LYST: variants seen among roughly 807,000 people sequenced by gnomAD.
The protein encoded by LYST is lysosomal trafficking regulator, also known as lysosomal-trafficking regulator.
LYST carries 192 observed loss-of-function variants against 413.6 expected under a neutral mutation model. The ratio of observed to expected loss-of-function variants is 0.46; its 90% confidence interval spans 0.41 to 0.52. LYST has a LOEUF of 0.52. Among genes scored for constraint, LYST ranks in the 20% least tolerant of loss-of-function variants. The probability of loss-of-function intolerance (pLI) is 0.00; values close to 1 mark genes in which losing one functional copy is unlikely to be tolerated. For missense variants in LYST, 3,815 were observed against 4,499.9 expected (o/e 0.85, Z 4.35); for synonymous variants, 1,525 against 1,567.3 (o/e 0.97, Z 0.64).
rs200468979 is a variant in LYST, at chr1:235,732,774, G to T, written c.8801+729C>A. Among the ~76,000 whole-genome samples the T allele has an allele frequency of 1.2e-4, 18 of 152,254 alleles. No homozygotes were observed. The East Asian group carries it at 2.5e-3, about 21-fold the overall frequency. ...TGTGAGGAATGTGTTCATGCCTTTT[G>T]CTCATTCAAACTTCTGGGATCATAA... On this transcript the variant is annotated intron_variant, in intron 34 of 52. Transcript: ENST00000389793.
rs1431781727 is a variant in LYST at position 235,787,218 on chromosome 1, A to G, written c.4844T>C (p.Ile1615Thr). The G allele has an allele frequency of 6.2e-7, 1 of 1,613,558 alleles. No individual in the cohort carries two copies. The highest frequency in any genetic ancestry group is 8.5e-7 in the Non-Finnish European group (1 of 1,179,582). The change falls in exon 14 of 53, where the codon ATA (isoleucine) becomes ACA (threonine). Residue 1615 changes from isoleucine to threonine, a missense_variant. Around this residue, in one of 4 missense-constraint regions of LYST, gnomAD observed 530 missense variants for 696.5 expected, o/e 0.76. Transcript: ENST00000389793. Reference sequence around the variant, plus strand: ...TTCCTACCTCTGTCCAGAGACCCATATGGAGATTTTCCCATGAATCCTCCT... The same window carrying G: ...TTCCTACCTCTGTCCAGAGACCCATGTGGAGATTTTCCCATGAATCCTCCT... ...GKRRIHGKIS[I>T]WVSGQRKPDV...
rs571028682 is a variant in LYST at position 235,787,928 on chromosome 1, T to C, written c.4689-555A>G. 3.7e-4 allele frequency among the ~76,000 whole-genome samples: 57 copies of C among 152,238 alleles called. 1 individual carries two copies. Among genetic ancestry groups the C allele is most frequent in the African/African-American group, 1.3e-3 (53 of 41,558 alleles). ...AATACAAATAAAAGACCTGTATCTA[T>C]ACTACTTAATAAAGGAGATAGTATA... On this transcript the variant is annotated intron_variant, in intron 13 of 52. Coordinates refer to ENST00000389793, the MANE Select transcript of LYST (RefSeq NM_000081.4).
Position 235,663,057 on chromosome 1 carries a change from G to A in LYST, c.11289C>T (p.Gly3763=), listed in dbSNP as rs779752850. 8 of 1,611,532 alleles carry A rather than the reference G, an allele frequency of 5.0e-6. No individual in the cohort carries two copies. The Admixed American group carries it at 5.0e-5, about 10-fold the overall frequency. The change falls in exon 53 of 53, where the codon GGC becomes GGT. Residue 3763 remains glycine (G), a synonymous_variant. Coordinates refer to ENST00000389793, the MANE Select transcript of LYST (RefSeq NM_000081.4). ...PIISLTFSCD[G]HHLYTANSDG... ...CACTGTTTGCTGTGTACAAATGGTG[G>A]CCATCACAAGAAAATGTAAGGCTGT...
chr1:235,770,565 G>A (rs944044885), intron 19 of LYST, among the ~76,000 whole-genome samples: 7 of 152,106 alleles, frequency 4.6e-5, no homozygotes, highest in Admixed American at 1.3e-4. Flanking sequence ...ATTTTCAAAA[G>A]ATGAATTATC....
rs944581007 is a variant in LYST, at chr1:235,877,285, T to C, written n.454+5902A>G. On this transcript the variant is annotated intron_variant and non_coding_transcript_variant, in intron 1 of 11. Coordinates refer to the LYST transcript ENST00000465349. ...GTCACTCACTCTACCAGGTGTTTGC[T>C]GGAGCCTCTGATGGAAGAAAAATCC... Among the ~76,000 whole-genome samples the C allele has an allele frequency of 5.3e-5, 8 of 152,340 alleles. No individual in the cohort carries two copies. The East Asian group carries it at 1.5e-3, about 29-fold the overall frequency.
intron 23 of LYST, 122 bp downstream of exon 23, chr1:235,758,850 G>T (rs1667289049): frequency 1.2e-6 from 1 of 820,728 alleles, no homozygotes; most frequent in Non-Finnish European, 2.0e-6. Context: ...TGTATATAAA[G>T]AAATAAACTT....
intron 44 of LYST, among the ~76,000 whole-genome samples, chr1:235,705,792 CTTTTTA>C (rs1363595355): frequency 1.3e-5 from 2 of 151,392 alleles, no homozygotes; most frequent in Admixed American, 6.6e-5. Context: ...CCTAATTGCT[CTTTTTA>C]TTTTTATTTT....
chr1:235,696,736 G>A (rs1258830609), intron 46 of LYST, among the ~76,000 whole-genome samples: 2 of 152,322 alleles, frequency 1.3e-5, no homozygotes, highest in South Asian at 2.1e-4. Context: ...TTAAACCCAT[G>A]ACTATATCTT....
chr1:235,719,883 AAAAAT>A (rs1330201050), intron 40 of LYST, among the ~76,000 whole-genome samples: 1 of 152,040 alleles, frequency 6.6e-6, no homozygotes, highest in Non-Finnish European at 1.5e-5. Flanking sequence ...AATACACATA[AAAAAT>A]AATGGCTGGC....
At chr1:235,866,584 C>A (rs1309594493) in intron 1 of LYST, among the ~76,000 whole-genome samples, 2 of 152,328 alleles carry the variant, frequency 1.3e-5, no homozygotes, top group South Asian at 4.1e-4. Context: ...CCCAGCCGAG[C>A]TCCCGCCCGC....
chr1:235,713,148 A>T (rs1219464287), intron 42 of LYST: 1 of 984,602 alleles, frequency 1.0e-6, no homozygotes, highest in Non-Finnish European at 1.2e-6. Flanking sequence ...TGTTGAGTCA[A>T]TTGGCATTGG....
chr1:235,738,367 T>C (rs1437424143), intron 31 of LYST: 3 of 1,612,816 alleles, frequency 1.9e-6, no homozygotes, highest in Non-Finnish European at 1.7e-6. Flanking sequence ...TCATTCCTAA[T>C]GTTGTAAAAT....
chr1:235,786,593 T>C (rs1670436137), intron 14 of LYST, among the ~76,000 whole-genome samples: 1 of 152,094 alleles, frequency 6.6e-6, no homozygotes, highest in African/African-American at 2.4e-5. Flanking sequence ...TAAAGACACA[T>C]GCACATGTAT....
intron 3 of LYST, among the ~76,000 whole-genome samples, chr1:235,823,810 T>A (rs928686277): frequency 6.6e-6 from 1 of 152,260 alleles, no homozygotes; most frequent in African/African-American, 2.4e-5. Flanking sequence ...CAGTTCCTGA[T>A]GACCCCTCTC....
At chr1:235,682,019 G>A (rs1418035958) in intron 48 of LYST, among the ~76,000 whole-genome samples, 5 of 152,052 alleles carry the variant, frequency 3.3e-5, no homozygotes, top group African/African-American at 1.2e-4. Context: ...ACATCAAAGG[G>A]TTATTACGAA....
At chr1:235,851,506 A>C (rs912371793) in intron 1 of LYST, among the ~76,000 whole-genome samples, 1 of 152,084 alleles carries the variant, frequency 6.6e-6, no homozygotes, top group African/African-American at 2.4e-5. Flanking sequence ...CCACTAAATA[A>C]CTTATTCATG....
In LYST at chr1:235,662,314, T is replaced by G. The variant is rs1179075839; in HGVS notation, c.*626A>C. 6.5e-6 allele frequency: 1 copy of G among 152,976 alleles called. No homozygotes were observed. Among genetic ancestry groups the G allele is most frequent in the African/African-American group, 2.4e-5 (1 of 41,458 alleles). The allele number at this position is 152,976 out of a possible 1,614,324, so 9.5% of individuals were successfully genotyped here. A position where few individuals can be genotyped will look rare whatever the true frequency, so the allele number is the denominator to read the frequency against. ...CTGTCAAAAAAATTCTGGTTCTCCTTTGAGCTAAGAAAGCAACTGGCAAAA... is the reference window on the plus strand; with the variant it reads ...CTGTCAAAAAAATTCTGGTTCTCCTGTGAGCTAAGAAAGCAACTGGCAAAA... On this transcript the variant is annotated 3_prime_UTR_variant, in exon 53 of 53. Coordinates refer to ENST00000389793, the MANE Select transcript of LYST (RefSeq NM_000081.4).
intron 36 of LYST, 56 bp from the exon 37 acceptor site, chr1:235,729,713 G>T: frequency 4.9e-6 from 6 of 1,219,878 alleles, no homozygotes; most frequent in Non-Finnish European, 3.6e-6. Flanking sequence ...ATTTCAGAGA[G>T]GATATGCTTT....
chr1:235,674,928 T>C lies in LYST; in HGVS notation c.11038+2163A>G, dbSNP rs549411171. Reference sequence around the variant, plus strand: ...ATTGTTATCAGTGTACTCATTCTTGTAAGTTGCTGCATCATACCTTGTATT... The same window carrying C: ...ATTGTTATCAGTGTACTCATTCTTGCAAGTTGCTGCATCATACCTTGTATT... On this transcript the variant is annotated intron_variant, in intron 50 of 52. Transcript: ENST00000389793. This position sits in a 1 kb window ranked among gnomAD's most constrained non-coding sequence, Gnocchi z 4.1. 8.5e-5 allele frequency among the ~76,000 whole-genome samples: 13 copies of C among 152,240 alleles called. No homozygotes were observed. Among genetic ancestry groups the C allele is most frequent in the Non-Finnish European group, 1.3e-4 (9 of 68,046 alleles).
Sources: gnomAD v4.1 joint callset for allele counts (sites outside exome capture counted in the v4.1 genomes callset) on GRCh38, gnomAD v4.1.1 for gene constraint, gnomAD v4.1.1 regional missense constraint, Gnocchi (gnomAD v3.1) non-coding constraint, MANE v1.5 for transcripts, NCBI Gene and HGNC (gene_info 2026-07-23, HGNC 2026-07-21) for gene names.